TVP23C: variants seen among roughly 807,000 people sequenced by gnomAD.
The protein encoded by TVP23C is Golgi apparatus membrane protein TVP23 homolog C.
A neutral mutation model predicts 28.7 loss-of-function variants in TVP23C; 19 were observed. The ratio of observed to expected loss-of-function variants is 0.66; its 90% CI spans 0.46 to 0.97. TVP23C has a LOEUF of 0.97. Among genes scored for constraint, TVP23C ranks in the 50% least tolerant of loss-of-function variants. The pLI is 0.00. For synonymous variants in TVP23C, 68 were observed against 81.7 expected, an observed-to-expected ratio of 0.83 and a Z score of 0.90; for missense variants, 186 against 241.3, an observed-to-expected ratio of 0.77 and a Z score of 1.52.
At chr17:15,517,261 A>T (rs1451855219) in intron 5 of TVP23C, among the ~76,000 whole-genome samples, 2 of 152,198 alleles carry the variant, frequency 1.3e-5, no homozygotes, top group Non-Finnish European at 1.5e-5. Flanking sequence ...CTGTTCATTC[A>T]GTCCTAAATG....
Position 15,540,562 on chromosome 17 carries a change from C to T in TVP23C, c.463-1G>A. ...GCACCACACCCATAATAACCACCGC[C>T]TGGGACAAGGGAAAAAAATAATCAA... On this transcript the variant is annotated splice_acceptor_variant, in intron 5 of 5. Coordinates refer to ENST00000518321, the MANE Select transcript of TVP23C (RefSeq NM_001135036.2). LOFTEE classifies it high-confidence loss of function. The T allele has an allele frequency of 6.2e-7, 1 of 1,613,106 alleles. No homozygotes were observed. Among genetic ancestry groups the T allele is most frequent in the Non-Finnish European group, 8.5e-7 (1 of 1,179,516 alleles).
chr17:15,516,031 C>G (rs999974340), intron 5 of TVP23C, among the ~76,000 whole-genome samples: 4 of 152,152 alleles, frequency 2.6e-5, no homozygotes, highest in Middle Eastern at 3.2e-3. Flanking sequence ...GACGCGTGCT[C>G]CCCCTTTGCC....
chr17:15,525,495 A>G (rs1179080144), intron 5 of TVP23C, among the ~76,000 whole-genome samples: 2 of 152,224 alleles, frequency 1.3e-5, no homozygotes, highest in Admixed American at 6.5e-5. Flanking sequence ...CCAGTCAGTT[A>G]AAGGCCTTAT....
chr17:15,508,385 T>C (rs1027651593), intron 5 of TVP23C, among the ~76,000 whole-genome samples: 5 of 152,158 alleles, frequency 3.3e-5, no homozygotes, highest in African/African-American at 1.2e-4. Context: ...TAGAGAGAAA[T>C]CATAGGATGA....
At chr17:15,524,607 T>C (rs1982639739) in intron 5 of TVP23C, among the ~76,000 whole-genome samples, 1 of 152,176 alleles carries the variant, frequency 6.6e-6, no homozygotes, top group African/African-American at 2.4e-5. Flanking sequence ...AAAGAGGCTT[T>C]CCAGAGGACA....
chr17:15,513,302 C>T (rs935612561), intron 5 of TVP23C, among the ~76,000 whole-genome samples: 7 of 152,192 alleles, frequency 4.6e-5, no homozygotes, highest in African/African-American at 1.7e-4. Flanking sequence ...CAATCTGGAA[C>T]ATTCTCAAGA....
intron 3 of TVP23C, among the ~76,000 whole-genome samples, chr17:15,550,278 C>A (rs1983831142): frequency 6.6e-6 from 1 of 152,138 alleles, no homozygotes. Context: ...CTTTTAAACC[C>A]AAGATATGTA....
chr17:15,535,510 G>T (rs1983118886), downstream of TVP23C, among the ~76,000 whole-genome samples: 1 of 150,878 alleles, frequency 6.6e-6, no homozygotes, highest in Non-Finnish European at 1.5e-5. Flanking sequence ...GCCACTCCCT[G>T]GCTCCTTCCC....
At chr17:15,557,598 C>A (rs1018095682) in intron 1 of TVP23C, among the ~76,000 whole-genome samples, 5 of 147,730 alleles carry the variant, frequency 3.4e-5, no homozygotes, top group African/African-American at 1.2e-4. Context: ...CACGCCCAAC[C>A]AAGACTGTCT....
At chr17:15,545,000 A>G (rs1983581575) in intron 5 of TVP23C, among the ~76,000 whole-genome samples, 1 of 152,224 alleles carries the variant, frequency 6.6e-6, no homozygotes, top group African/African-American at 2.4e-5. Context: ...AAACAATATG[A>G]GATATAAAAA....
At chr17:15,536,136 T>G (rs929505268), downstream of TVP23C, among the ~76,000 whole-genome samples, 5 of 151,652 alleles carry the variant, frequency 3.3e-5, no homozygotes, top group East Asian at 1.9e-4. Flanking sequence ...GTTGCAATGA[T>G]CCGAGATCAC....
chr17:15,534,106 G>A (rs1196309471), downstream of TVP23C, among the ~76,000 whole-genome samples: 1 of 152,086 alleles, frequency 6.6e-6, no homozygotes, highest in Non-Finnish European at 1.5e-5. Context: ...GCTTCCAGCT[G>A]ACAGCTGTAG....
rs1597530868 is a variant in TVP23C, at chr17:15,539,634, T to C, written c.*778A>G. On this transcript the variant is annotated 3_prime_UTR_variant, in exon 6 of 6. Transcript: ENST00000518321. ...AAAAAAAAAAAAGACCTAGTCACTT[T>C]TCCCAAGAGATTTAACCAATAATTA... 1 of 984,930 alleles carries C rather than the reference T, an allele frequency of 1.0e-6. No individual in the cohort carries two copies. Among genetic ancestry groups the C allele is most frequent in the East Asian group, 1.1e-4 (1 of 8,768 alleles). The allele number at this position is 984,930 out of a possible 1,614,324, so 61.0% of individuals were successfully genotyped here.
At chr17:15,526,016 T>G (rs1982710183) in intron 5 of TVP23C, among the ~76,000 whole-genome samples, 1 of 152,222 alleles carries the variant, frequency 6.6e-6, no homozygotes, top group African/African-American at 2.4e-5. Flanking sequence ...ACACAGCAAG[T>G]AAGTATGAAG....
intron 3 of TVP23C, among the ~76,000 whole-genome samples, chr17:15,551,265 ATTT>A (rs1258749974): frequency 1.7e-5 from 2 of 115,316 alleles, no homozygotes; most frequent in Admixed American, 9.2e-5. Context: ...TGCCCGGCTC[ATTT>A]TTTTTTTTTT....
intron 1 of TVP23C, among the ~76,000 whole-genome samples, chr17:15,558,081 G>A (rs148455106): frequency 0.031 from 4,566 of 149,342 alleles, 315 homozygotes; most frequent in African/African-American, 0.1. Flanking sequence ...CTGATACTTG[G>A]GTCCAGCCCT....
chr17:15,534,283 A>ATTG (rs1400344065), downstream of TVP23C, among the ~76,000 whole-genome samples: 2 of 152,268 alleles, frequency 1.3e-5, no homozygotes, highest in Non-Finnish European at 2.9e-5. Context: ...TTCATTGGCC[A>ATTG]TTGTTAACCA....
At chr17:15,532,762 A>C (rs1983000438), downstream of TVP23C, among the ~76,000 whole-genome samples, 1 of 152,210 alleles carries the variant, frequency 6.6e-6, no homozygotes, top group Non-Finnish European at 1.5e-5. Context: ...TGGGATATAT[A>C]GGATTTCTCT....
At chr17:15,528,001 T>C (rs1982797458) in intron 5 of TVP23C, among the ~76,000 whole-genome samples, 1 of 152,354 alleles carries the variant, frequency 6.6e-6, no homozygotes, top group Middle Eastern at 3.4e-3. Flanking sequence ...AGTGGTATCT[T>C]TTCTTTCAAT....
Sources: gnomAD v4.1 joint callset for allele counts (sites outside exome capture counted in the v4.1 genomes callset) on GRCh38, gnomAD v4.1.1 for gene constraint, MANE v1.5 for transcripts, NCBI Gene and HGNC (gene_info 2026-07-23, HGNC 2026-07-21) for gene names.